Variants in CCND3 observed in about 807,000 individuals in gnomAD.
CCND3 encodes the protein G1/S-specific cyclin-D3.
CCND3 carries 9 observed loss-of-function variants against 28.7 expected under a neutral mutation model. The observed-to-expected ratio is 0.31, with a 90% CI of 0.19 to 0.55. The LOEUF (loss-of-function observed/expected upper bound fraction) is 0.55, where lower values mean the gene tolerates loss of function less well. CCND3 is among the 20% of genes least tolerant of loss of function. CCND3 has a pLI of 0.93. For missense variants in CCND3, 315 were observed against 385.8 expected, an observed-to-expected ratio of 0.82 and a Z score of 1.54; for synonymous variants, 164 against 163.9, an observed-to-expected ratio of 1.00 and a Z score of 0.00.
chr6:41,966,350 G>T (rs1210037820), intron 1 of CCND3, among the ~76,000 whole-genome samples: 1 of 152,012 alleles, frequency 6.6e-6, no homozygotes, highest in Non-Finnish European at 1.5e-5. Flanking sequence ...AGCCCAGGAG[G>T]TCGAGGCTGC....
chr6:41,980,131 ATTTTTT>A (rs61407287), intron 1 of CCND3, among the ~76,000 whole-genome samples: 1 of 146,856 alleles, frequency 6.8e-6, no homozygotes, highest in Non-Finnish European at 1.5e-5. Flanking sequence ...GTTTACTGGA[ATTTTTT>A]TTTTTTTTTT....
chr6:41,985,938 T>C (rs1477104209), intron 1 of CCND3, among the ~76,000 whole-genome samples: 1 of 148,860 alleles, frequency 6.7e-6, no homozygotes, highest in African/African-American at 2.5e-5. Flanking sequence ...CCAGTTTAAG[T>C]CTTTAATCTA....
At chr6:41,968,303 A>C (rs560054846) in intron 1 of CCND3, among the ~76,000 whole-genome samples, 1 of 152,250 alleles carries the variant, frequency 6.6e-6, no homozygotes, top group East Asian at 1.9e-4. Context: ...TGACTTCTGA[A>C]GCTGAAATAA....
chr6:41,954,438 C>T (rs564107762), intron 1 of CCND3, among the ~76,000 whole-genome samples: 1 of 151,416 alleles, frequency 6.6e-6, no homozygotes, highest in Non-Finnish European at 1.5e-5. Context: ...GTAATCCCAG[C>T]CACTCGGGAG....
chr6:41,981,219 T>C (rs1161102093), intron 1 of CCND3, among the ~76,000 whole-genome samples: 1 of 152,196 alleles, frequency 6.6e-6, no homozygotes, highest in Non-Finnish European at 1.5e-5. Flanking sequence ...TTTATTTACT[T>C]TTTTGAGATG....
At position 41,941,060 on chromosome 6, in the gene CCND3, C is replaced by T. The variant is rs934616671; in HGVS notation, c.198+392G>A. On this transcript the variant is annotated intron_variant, in intron 1 of 4. Coordinates refer to ENST00000372991, the MANE Select transcript of CCND3 (RefSeq NM_001760.5). The surrounding 1 kb of genome is among the most constrained non-coding windows in gnomAD (Gnocchi z 6.1). Reference sequence around the variant, plus strand: ...CATCGCCTTCCCCGCCAGAACCCCGCGAAAGACACAGGAACCGGCTCCCGG... The same window carrying T: ...CATCGCCTTCCCCGCCAGAACCCCGTGAAAGACACAGGAACCGGCTCCCGG... 9.4e-6 allele frequency: 15 copies of T among 1,588,964 alleles called. No individual in the cohort carries two copies. The African/African-American group carries it at 2.0e-4, about 21-fold the overall frequency.
At chr6:42,021,585 A>G (rs1415857681) in intron 1 of CCND3, among the ~76,000 whole-genome samples, 1 of 152,208 alleles carries the variant, frequency 6.6e-6, no homozygotes, top group Non-Finnish European at 1.5e-5. Context: ...ACACACTAGG[A>G]AACACCACCC....
At chr6:42,013,575 T>C (rs1159559954) in intron 1 of CCND3, among the ~76,000 whole-genome samples, 1 of 152,232 alleles carries the variant, frequency 6.6e-6, no homozygotes, top group Non-Finnish European at 1.5e-5. Flanking sequence ...CTATAATTTA[T>C]TTGTAATTCA....
intron 1 of CCND3, among the ~76,000 whole-genome samples, chr6:41,988,872 T>G (rs1230022228): frequency 6.6e-6 from 1 of 151,376 alleles, no homozygotes; most frequent in Non-Finnish European, 1.5e-5. Context: ...CTAATTTTTT[T>G]GTATTTTTAG....
At chr6:42,036,401 ATATTTTT>A (rs1462664385) in intron 1 of CCND3, among the ~76,000 whole-genome samples, 9 of 34,012 alleles carry the variant, frequency 2.6e-4, no homozygotes, top group Admixed American at 2.1e-3. Context: ...ATATATATAT[ATATTTTT>A]TTTTTTTTTT....
chr6:41,962,101 C>T (rs1415516473), intron 1 of CCND3, among the ~76,000 whole-genome samples: 2 of 152,078 alleles, frequency 1.3e-5, no homozygotes, highest in African/African-American at 2.4e-5. Flanking sequence ...CCCAAGCAGT[C>T]TTTCTTTTTT....
intron 1 of CCND3, among the ~76,000 whole-genome samples, chr6:42,000,240 T>G: frequency 2.9e-5 from 2 of 69,734 alleles, no homozygotes; most frequent in Non-Finnish European, 5.8e-5. Context: ...CATACTTTTT[T>G]TTTTTTTTTT....
chr6:42,042,311 G>A (rs758814684), intron 1 of CCND3, among the ~76,000 whole-genome samples: 14 of 152,034 alleles, frequency 9.2e-5, no homozygotes, highest in Admixed American at 3.9e-4. Context: ...CCACTCAGCA[G>A]GGCTTTGTGT....
intron 1 of CCND3, among the ~76,000 whole-genome samples, chr6:42,043,432 G>A (rs1764431229): frequency 6.6e-6 from 1 of 152,356 alleles, no homozygotes; most frequent in East Asian, 1.9e-4. Context: ...TTGGGAGGCT[G>A]AAGCAGGAGA....
At chr6:41,940,647 T>C in intron 1 of CCND3, 62 bp from the exon 2 acceptor site, 2 of 992,324 alleles carry the variant, frequency 2.0e-6, no homozygotes, top group Non-Finnish European at 3.1e-6. Flanking sequence ...AGCGGGGGGG[T>C]GGGAGCGCTG....
chr6:41,935,829 G>T lies in CCND3; in HGVS notation c.*111C>A. ...CCAGATCCCTTGGGCTTTGTGAAGG[G>T]GGAACAGACGCCCCTTCAGGCTTAG... is the stretch of plus-strand genomic sequence containing the variant. On this transcript the variant is annotated 3_prime_UTR_variant, in exon 5 of 5. Coordinates refer to ENST00000372991, the MANE Select transcript of CCND3 (RefSeq NM_001760.5). 9.5e-7 allele frequency: 1 copy of T among 1,055,456 alleles called. No individual in the cohort carries two copies. Among genetic ancestry groups the T allele is most frequent in the East Asian group, 2.6e-5 (1 of 38,600 alleles). The allele number at this position is 1,055,456 out of a possible 1,614,324, so 65.4% of individuals were successfully genotyped here.
At chr6:41,957,880 G>A (rs1776477864) in intron 1 of CCND3, among the ~76,000 whole-genome samples, 1 of 151,814 alleles carries the variant, frequency 6.6e-6, no homozygotes, top group South Asian at 2.1e-4. Flanking sequence ...GCAGAGATGG[G>A]GTCTATGTTG....
At position 41,989,454 on chromosome 6, in the gene CCND3, C is replaced by CAAAAAAAAAAAAAAAAA. The variant is rs35776222; in HGVS notation, c.-45-48870_-45-48869insTTTTTTTTTTTTTTTTT. ...GGGCGACAAGAGTGAAACACTGTCT[C>CAAAAAAAAAAAAAAAAA]AAAAAAAAAAAACAAAAAAAAAAAA... On this transcript the variant is annotated intron_variant, in intron 1 of 4. Transcript: ENST00000372988. Among the ~76,000 whole-genome samples, 9 of 21,712 alleles carry CAAAAAAAAAAAAAAAAA rather than the reference C, an allele frequency of 4.1e-4. 1 individual carries two copies. The highest frequency in any genetic ancestry group is 9.0e-4 in the Admixed American group (2 of 2,224). The allele number at this position is 21,712 out of a possible 152,430, so 14.2% of individuals were successfully genotyped here. A position where few individuals can be genotyped will look rare whatever the true frequency, so the allele number is the denominator to read the frequency against.
At chr6:41,977,853 C>T (rs1762225770) in intron 1 of CCND3, among the ~76,000 whole-genome samples, 1 of 152,030 alleles carries the variant, frequency 6.6e-6, no homozygotes, top group South Asian at 2.1e-4. Flanking sequence ...AAAACTCTAA[C>T]CTCCCAGCCT....
Sources: allele counts gnomAD v4.1 joint callset (sites outside exome capture counted in the v4.1 genomes callset), GRCh38; gene constraint gnomAD v4.1.1; non-coding constraint Gnocchi (gnomAD v3.1); transcripts MANE v1.5; gene names NCBI Gene and HGNC (gene_info 2026-07-23, HGNC 2026-07-21).